Variants in ZZEF1 observed in about 807,000 individuals in gnomAD.
ZZEF1 encodes the protein zinc finger ZZ-type and EF-hand domain-containing protein 1.
Under a neutral mutation model 342.8 loss-of-function variants are expected in ZZEF1, and 157 were observed. The ratio of observed to expected loss-of-function variants is 0.46; its 90% CI spans 0.40 to 0.52. ZZEF1 has a LOEUF of 0.52. Among genes scored for constraint, ZZEF1 ranks in the 20% least tolerant of loss-of-function variants. The pLI is 0.00. For missense variants in ZZEF1, 3,480 were observed against 3,725.6 expected (o/e 0.93, Z 1.72); for synonymous variants, 1,505 against 1,429.1 (o/e 1.05, Z -1.20).
intron 1 of ZZEF1, among the ~76,000 whole-genome samples, chr17:4,132,147 C>A (rs180825059): frequency 6.6e-6 from 1 of 151,396 alleles, no homozygotes; most frequent in Admixed American, 6.6e-5. Flanking sequence ...CAAGTCCTGT[C>A]GGCTATATAC....
rs781335207 is a variant in ZZEF1 at position 4,117,139 on chromosome 17, T to C, written c.527A>G (p.Lys176Arg). 13 of 1,613,220 alleles carry C rather than the reference T, an allele frequency of 8.1e-6. No homozygotes were observed. The African/African-American group carries it at 1.7e-4, about 22-fold the overall frequency. The change falls in exon 3 of 55, where the codon AAG becomes AGG. Residue 176 changes from lysine (K) to arginine (R), a missense_variant. By Grantham distance (26) the Lys-to-Arg change is conservative. Transcript: ENST00000381638. ...PGFTDIFSES[K>R]EGLDIHSSMI... ...TGACGAGTGAATATCAAGGCCCTCC[T>C]TCGACTCTGAAAATATGTCTGTGAA...
chr17:4,142,067 G>A (rs1345164409), intron 1 of ZZEF1, among the ~76,000 whole-genome samples: 1 of 152,200 alleles, frequency 6.6e-6, no homozygotes, highest in Non-Finnish European at 1.5e-5. Context: ...TTTGCATGAG[G>A]AGGATAGGTT....
chr17:4,033,946 C>T, intron 40 of ZZEF1, 69 bp downstream of exon 40: 1 of 1,575,550 alleles, frequency 6.3e-7, no homozygotes, highest in Admixed American at 1.7e-5. Flanking sequence ...GCCAGACCTT[C>T]AACTTAAACA....
intron 14 of ZZEF1, 84 bp from the exon 15 acceptor site, chr17:4,086,739 T>C: frequency 7.1e-7 from 1 of 1,398,968 alleles, no homozygotes; most frequent in Non-Finnish European, 9.9e-7. Flanking sequence ...ACAAAGGACT[T>C]TCCTCTAGGC....
chr17:4,073,451 G>C (rs1489463504), intron 24 of ZZEF1, among the ~76,000 whole-genome samples: 1 of 152,114 alleles, frequency 6.6e-6, no homozygotes, highest in African/African-American at 2.4e-5. Flanking sequence ...TGTTTTAAGA[G>C]ACAAGAGTCT....
intron 5 of ZZEF1, 142 bp downstream of exon 5, chr17:4,112,467 C>T (rs897795675): frequency 6.6e-6 from 6 of 904,610 alleles, no homozygotes; most frequent in Non-Finnish European, 8.7e-6. Context: ...ATTTCTACAA[C>T]ACTTAATGAA....
At chr17:4,027,642 T>C (rs1205795892) in intron 42 of ZZEF1, among the ~76,000 whole-genome samples, 1 of 142,840 alleles carries the variant, frequency 7.0e-6, no homozygotes, top group Non-Finnish European at 1.5e-5. Flanking sequence ...CTCTGTCACC[T>C]AGGCTACAGT....
At chr17:4,013,066 G>A (rs940595578) in intron 52 of ZZEF1, among the ~76,000 whole-genome samples, 11 of 147,736 alleles carry the variant, frequency 7.4e-5, no homozygotes, top group African/African-American at 1.5e-4. Context: ...TCCAGCCTGC[G>A]TGACAGAGTG....
rs1023750986 is a variant in ZZEF1, at chr17:4,105,717, T to C, written c.1370A>G (p.Asp457Gly). ...FLSPNVLEEV[D>G]SFLIRITSCC... The stretch of plus-strand genomic sequence containing the variant: ...CCTAGTTATCCTTATGAGGAAACTG[T>C]CCACTTCTTCCAGCACATTAGGGGA... The change falls in exon 7 of 55, where the codon GAC becomes GGC. Residue 457 changes from aspartate (D) to glycine (G), a missense_variant. Coordinates refer to ENST00000381638, the MANE Select transcript of ZZEF1 (RefSeq NM_015113.4). 8 of 1,613,244 alleles carry C rather than the reference T, an allele frequency of 5.0e-6. No individual in the cohort carries two copies. The Admixed American group carries it at 5.0e-5, about 10-fold the overall frequency.
chr17:4,076,661 A>T lies in ZZEF1; in HGVS notation c.3210T>A (p.Ser1070Arg). Reference sequence around the variant, plus strand: ...CCTTCCTCAGTCCTCCTTCGGGGCCACTACAGAGCTTCTTCAGGAGTTCTG... The same window carrying T: ...CCTTCCTCAGTCCTCCTTCGGGGCCTCTACAGAGCTTCTTCAGGAGTTCTG... ...VLTELLKKLCSGPEGGLRKLD... is the reference protein window; with the variant it reads ...VLTELLKKLCRGPEGGLRKLD... Residue 1070 changes from serine (S) to arginine (R), a missense_variant, in exon 21 of 55, where the codon AGT (serine) becomes AGA (arginine). Physicochemically the swap from Ser to Arg is moderately radical, Grantham distance 110. Transcript: ENST00000381638. 6.2e-7 allele frequency: 1 copy of T among 1,612,230 alleles called. No individual in the cohort carries two copies.
intron 13 of ZZEF1, 105 bp downstream of exon 13, chr17:4,088,573 A>T: frequency 1.6e-6 from 2 of 1,224,932 alleles, no homozygotes; most frequent in Non-Finnish European, 2.3e-6. Context: ...TGCCCATCCT[A>T]TTGGCTTCCG....
At chr17:4,013,345 C>T in intron 52 of ZZEF1, 104 bp downstream of exon 52, 1 of 1,166,380 alleles carries the variant, frequency 8.6e-7, no homozygotes, top group Non-Finnish European at 1.1e-6. Flanking sequence ...ATTAAAGCCA[C>T]AAATGTCTTT....
intron 29 of ZZEF1, among the ~76,000 whole-genome samples, chr17:4,063,954 C>A (rs1048870747): frequency 1.3e-5 from 2 of 152,100 alleles, no homozygotes; most frequent in African/African-American, 4.8e-5. Context: ...TCTCGAACAC[C>A]TGACCTCGGG....
rs759823887 is a variant in ZZEF1 at position 4,054,032 on chromosome 17, G to A, written c.5434+25C>T. 1.3e-5 allele frequency: 21 copies of A among 1,602,494 alleles called. No homozygotes were observed. In the East Asian group the frequency reaches 2.2e-4, roughly 17 times the overall value. The stretch of plus-strand genomic sequence containing the variant: ...CAGAAGTGATATTGCCTTTGGATAC[G>A]GCGTACCCAGTTCATGAAATTTACC... On this transcript the variant is annotated intron_variant, in intron 34 of 54. Transcript: ENST00000381638.
At chr17:4,067,018 T>C in intron 27 of ZZEF1, 145 bp downstream of exon 27, 7 of 653,262 alleles carry the variant, frequency 1.1e-5, no homozygotes, top group Non-Finnish European at 2.5e-6. Context: ...TTCTAAATTG[T>C]TTTATATCTA....
chr17:4,097,251 C>CA (rs11322795), intron 9 of ZZEF1, among the ~76,000 whole-genome samples: 22,373 of 137,070 alleles, frequency 0.16, 1,779 homozygotes, highest in African/African-American at 0.18. Flanking sequence ...AACTCCGTCT[C>CA]AAAAAAAAAA....
At chr17:4,041,175 G>A (rs1194687675) in intron 39 of ZZEF1, among the ~76,000 whole-genome samples, 1 of 152,172 alleles carries the variant, frequency 6.6e-6, no homozygotes, top group Non-Finnish European at 1.5e-5. Context: ...AATTCATCCA[G>A]GTGAAGAAAA....
Position 4,086,667 on chromosome 17 carries a change from C to CA in ZZEF1, c.2343-13dup. On this transcript the variant is annotated splice_polypyrimidine_tract_variant and intron_variant, in intron 14 of 54. Transcript: ENST00000381638. ...ATTCTTCCCTCGGGCTACAGAAAGA[C>CA]AAAAAACATCAGAGAGCAAAAGGGC... 2 of 1,611,516 alleles carry CA rather than the reference C, an allele frequency of 1.2e-6. No individual in the cohort carries two copies. The highest frequency in any genetic ancestry group is 1.7e-6 in the Non-Finnish European group (2 of 1,179,540).
Position 4,058,087 on chromosome 17 carries a change from G to A in ZZEF1, c.5072C>T (p.Pro1691Leu). 1 of 1,614,066 alleles carries A rather than the reference G, an allele frequency of 6.2e-7. No individual in the cohort carries two copies. Among genetic ancestry groups the A allele is most frequent in the Non-Finnish European group, 8.5e-7 (1 of 1,179,972 alleles). The change falls in exon 32 of 55, where the codon CCC (proline) becomes CTC (leucine). Residue 1691 changes from proline to leucine, a missense_variant. Pro to Leu is a moderately conservative substitution (Grantham distance 98, BLOSUM62 -3). Around this residue, in one of 5 missense-constraint regions of ZZEF1, gnomAD observed 1,528 missense variants for 1,624.1 expected, o/e 0.94. Coordinates refer to ENST00000381638, the MANE Select transcript of ZZEF1 (RefSeq NM_015113.4). The part of the protein sequence containing the change: ...LLHLLDMGWE[P>L]NDLAFFVDIQ... ...ATCAACAAAGAAGGCGAGATCATTG[G>A]GTTCCCAGCCCATATCCAAAAGATG...
Sources: gnomAD v4.1 joint callset for allele counts (sites outside exome capture counted in the v4.1 genomes callset) on GRCh38, gnomAD v4.1.1 for gene constraint, gnomAD v4.1.1 regional missense constraint, MANE v1.5 for transcripts, NCBI Gene and HGNC (gene_info 2026-07-23, HGNC 2026-07-21) for gene names.